Variants in PCDHA8 observed in about 807,000 individuals in gnomAD.
The protein encoded by PCDHA8 is protocadherin alpha-8.
In PCDHA8, 53 loss-of-function variants were observed where a neutral mutation model predicts 61.8. The ratio of observed to expected loss-of-function variants is 0.86; its 90% CI spans 0.69 to 1.08. The LOEUF (loss-of-function observed/expected upper bound fraction) is 1.08. Among genes scored for constraint, PCDHA8 ranks in the 50% least tolerant of loss-of-function variants. The pLI is 0.00. For synonymous variants in PCDHA8, 618 were observed against 556.6 expected (o/e 1.11, Z -1.55); for missense variants, 1,293 against 1,245.0 (o/e 1.04, Z -0.58).
intron 1 of PCDHA8, among the ~76,000 whole-genome samples, chr5:140,897,805 A>G (rs1216400632): frequency 6.6e-6 from 1 of 152,172 alleles, no homozygotes; most frequent in Non-Finnish European, 1.5e-5. Context: ...AGTCCCACCA[A>G]CAGTGTAAAA....
chr5:140,896,390 C>A, intron 1 of PCDHA8, among the ~76,000 whole-genome samples: 1 of 152,124 alleles, frequency 6.6e-6, no homozygotes, highest in Non-Finnish European at 1.5e-5. Flanking sequence ...ACCTCACCAG[C>A]ATCTGTTATT....
chr5:140,895,225 G>GT, intron 1 of PCDHA8, among the ~76,000 whole-genome samples: 1 of 152,168 alleles, frequency 6.6e-6, no homozygotes, highest in African/African-American at 2.4e-5. Context: ...ATTTTACTGA[G>GT]TTTTCTCATC....
At chr5:140,926,118 G>C (rs927468824) in intron 1 of PCDHA8, among the ~76,000 whole-genome samples, 3 of 152,174 alleles carry the variant, frequency 2.0e-5, no homozygotes, top group African/African-American at 7.2e-5. Flanking sequence ...GTGCAGGACA[G>C]ACTTCAACCC....
At chr5:140,895,036 A>T (rs1207978693) in intron 1 of PCDHA8, among the ~76,000 whole-genome samples, 1 of 151,998 alleles carries the variant, frequency 6.6e-6, no homozygotes, top group Non-Finnish European at 1.5e-5. Flanking sequence ...ATTGTCCCCC[A>T]CCCACACCAT....
intron 1 of PCDHA8, among the ~76,000 whole-genome samples, chr5:140,960,972 T>G (rs936519951): frequency 4.9e-4 from 75 of 152,306 alleles, no homozygotes; most frequent in Non-Finnish European, 2.2e-4. Flanking sequence ...GCAGTTGCAA[T>G]TCTTGTTCCA....
At chr5:140,871,653 C>A in intron 1 of PCDHA8, 1 of 1,244,246 alleles carries the variant, frequency 8.0e-7, no homozygotes, top group Non-Finnish European at 1.1e-6. Context: ...CCAAATGATA[C>A]ACATCTTCAG....
At chr5:140,979,126 A>G in intron 2 of PCDHA8, 119 bp downstream of exon 2, 2 of 1,481,366 alleles carry the variant, frequency 1.4e-6, no homozygotes, top group South Asian at 1.4e-5. Context: ...GTACTTTGCC[A>G]GGAAAATGCA....
intron 1 of PCDHA8, chr5:140,883,658 G>T (rs573544891): frequency 6.2e-7 from 1 of 1,613,994 alleles, no homozygotes; most frequent in Non-Finnish European, 8.5e-7. Context: ...CACGGTGTTC[G>T]TGAAGGAAAA....
intron 1 of PCDHA8, chr5:140,882,310 A>G (rs2059059274): frequency 6.2e-7 from 1 of 1,613,930 alleles, no homozygotes; most frequent in Non-Finnish European, 8.5e-7. Context: ...CGCGGCAACT[A>G]CTGCTCTGGC....
At chr5:140,906,158 C>G (rs1186216636) in intron 1 of PCDHA8, among the ~76,000 whole-genome samples, 1 of 152,140 alleles carries the variant, frequency 6.6e-6, no homozygotes, top group East Asian at 1.9e-4. Context: ...CACAGACACA[C>G]CCAGGAACAA....
At chr5:140,869,304 G>A (rs1554162871) in intron 1 of PCDHA8, 3 of 1,613,648 alleles carry the variant, frequency 1.9e-6, no homozygotes, top group South Asian at 1.1e-5. Context: ...TCCGGGTGGC[G>A]TCCAAAACAC....
At chr5:140,871,123 G>A (rs782312325) in intron 1 of PCDHA8, 51 of 1,613,216 alleles carry the variant, frequency 3.2e-5, no homozygotes, top group African/African-American at 1.3e-5. Context: ...GAGCGGACAG[G>A]CGCCAAAGGC....
intron 1 of PCDHA8, among the ~76,000 whole-genome samples, chr5:140,888,049 T>C (rs554327528): frequency 1.3e-5 from 2 of 152,354 alleles, no homozygotes; most frequent in South Asian, 2.1e-4. Context: ...GTATAATAGA[T>C]GTTTTAACTT....
chr5:140,994,303 C>T (rs13163241), intron 3 of PCDHA8, among the ~76,000 whole-genome samples: 9,825 of 152,220 alleles, frequency 0.065, 357 homozygotes, highest in East Asian at 0.12. Flanking sequence ...ATTGTTTTCA[C>T]AGGGCCCAAA....
intron 1 of PCDHA8, among the ~76,000 whole-genome samples, chr5:140,881,006 G>A (rs2058554707): frequency 6.6e-6 from 1 of 152,172 alleles, no homozygotes; most frequent in South Asian, 2.1e-4. Flanking sequence ...GGAGAGCAGA[G>A]CTATGGAAAT....
intron 1 of PCDHA8, among the ~76,000 whole-genome samples, chr5:140,887,337 C>T (rs2153419784): frequency 6.6e-6 from 1 of 152,268 alleles, no homozygotes; most frequent in East Asian, 1.9e-4. Flanking sequence ...ACCTCGTGAT[C>T]CACCTGGCTC....
In PCDHA8 at chr5:141,009,880, C is replaced by G; in HGVS notation, c.2796C>G (p.Asn932Lys). The G allele has an allele frequency of 6.2e-7, 1 of 1,613,788 alleles. No individual in the cohort carries two copies. The highest frequency in any genetic ancestry group is 1.1e-5 in the South Asian group (1 of 91,042). The change falls in exon 4 of 4, where the codon AAC (asparagine) becomes AAG (lysine). Residue 932 changes from asparagine to lysine, a missense_variant. By Grantham distance (94) the Asn-to-Lys change is moderately conservative. Transcript: ENST00000531613. ...TKKKKKKKKGNKTQEKKEKGN... is the reference protein window; with the variant it reads ...TKKKKKKKKGKKTQEKKEKGN... ...AAAAGAAGAAAAAGAAGAAGGGTAA[C>G]AAGACCCAGGAGAAAAAAGAGAAAG...
intron 1 of PCDHA8, among the ~76,000 whole-genome samples, chr5:140,959,052 A>C (rs992294371): frequency 3.3e-5 from 5 of 152,078 alleles, no homozygotes; most frequent in Admixed American, 6.6e-5. Context: ...ATAGGAAAAA[A>C]TGCAGTATAT....
chr5:140,990,956 G>T (rs1179435982), intron 3 of PCDHA8, among the ~76,000 whole-genome samples: 1 of 152,136 alleles, frequency 6.6e-6, no homozygotes, highest in Non-Finnish European at 1.5e-5. Context: ...TGTAGAAATA[G>T]TCTCTTAGAA....
Sources: allele counts gnomAD v4.1 joint callset (sites outside exome capture counted in the v4.1 genomes callset), GRCh38; gene constraint gnomAD v4.1.1; transcripts MANE v1.5; gene names NCBI Gene and HGNC (gene_info 2026-07-23, HGNC 2026-07-21).